CCT2: variants seen among roughly 807,000 people sequenced by gnomAD.
CCT2 encodes T-complex protein 1 subunit beta.
In CCT2, 18 loss-of-function variants were observed where a neutral mutation model predicts 61.8. The ratio of observed to expected loss-of-function variants is 0.29; its 90% CI spans 0.20 to 0.43. The LOEUF is 0.43. Ranked by LOEUF, CCT2 falls within the 20% of genes least tolerant of loss-of-function variation. The probability of loss-of-function intolerance (pLI) is 1.00; values close to 1 mark genes in which losing one functional copy is unlikely to be tolerated. For synonymous variants in CCT2, 248 were observed against 215.9 expected (o/e 1.15, Z -1.30); for missense variants, 556 against 656.9 (o/e 0.85, Z 1.68).
Position 69,601,289 on chromosome 12 carries a change from T to A in CCT2, c.1578-6T>A. ...TTCACTATTGACTTTTTTCTTACTC[T>A]CATAGGAAACGTGTCCCTGATCACC... is the stretch of plus-strand genomic sequence containing the variant. On this transcript the variant is annotated splice_polypyrimidine_tract_variant and splice_region_variant and intron_variant, in intron 15 of 15. Transcript: ENST00000299300. The A allele has an allele frequency of 2.5e-6, 4 of 1,595,566 alleles. No homozygotes were observed. The highest frequency in any genetic ancestry group is 3.4e-6 in the Non-Finnish European group (4 of 1,174,602).
chr12:69,585,858 G>C, intron 1 of CCT2: 1 of 1,307,324 alleles, frequency 7.6e-7, no homozygotes, highest in South Asian at 1.8e-5. Context: ...CTGGAGCGAC[G>C]GGGTCTGAGC....
chr12:69,598,188 T>A, intron 13 of CCT2, 117 bp downstream of exon 13: 1 of 989,888 alleles, frequency 1.0e-6, no homozygotes, highest in Non-Finnish European at 1.5e-6. Flanking sequence ...GAGTTTCTCC[T>A]CTTCGTGAGC....
intron 15 of CCT2, among the ~76,000 whole-genome samples, chr12:69,600,928 G>T (rs936237030): frequency 1.3e-5 from 2 of 152,186 alleles, no homozygotes; most frequent in African/African-American, 4.8e-5. Context: ...GGTGCTTCTT[G>T]TTGGTGGGGG....
At chr12:69,596,876 T>C (rs1317033937) in intron 10 of CCT2, among the ~76,000 whole-genome samples, 1 of 152,202 alleles carries the variant, frequency 6.6e-6, no homozygotes, top group Non-Finnish European at 1.5e-5. Context: ...GCTTTTTATA[T>C]TCATCCTAGT....
In CCT2 at chr12:69,589,375, A is replaced by G. The variant is rs2135851462; in HGVS notation, c.447-110A>G. 10 of 707,938 alleles carry G rather than the reference A, an allele frequency of 1.4e-5. No homozygotes were observed. The South Asian group carries it at 1.8e-4, about 13-fold the overall frequency. The allele number at this position is 707,938 out of a possible 1,614,324, so 43.9% of individuals were successfully genotyped here. ...TGCTGAGGTTTAATTCTTTTCATATAGCTTACAGACTTGATCAGTTAGGGT... is the reference window on the plus strand; with the variant it reads ...TGCTGAGGTTTAATTCTTTTCATATGGCTTACAGACTTGATCAGTTAGGGT... On this transcript the variant is annotated intron_variant, in intron 6 of 15. Coordinates refer to ENST00000299300, the MANE Select transcript of CCT2 (RefSeq NM_006431.3).
chr12:69,596,532 T>C (rs1346853253), intron 10 of CCT2, among the ~76,000 whole-genome samples: 1 of 152,230 alleles, frequency 6.6e-6, no homozygotes, highest in African/African-American at 2.4e-5. Flanking sequence ...AGGACTAAAT[T>C]AATTTGTTCT....
At chr12:69,597,100 A>G (rs1882014257) in intron 10 of CCT2, 56 bp from the exon 11 acceptor site, 2 of 1,569,130 alleles carry the variant, frequency 1.3e-6, no homozygotes, top group Admixed American at 1.7e-5. Flanking sequence ...TGCTTATTAG[A>G]AAACAGGAAT....
At chr12:69,585,967 C>T (rs1270078179) in intron 1 of CCT2, 2 of 1,308,486 alleles carry the variant, frequency 1.5e-6, no homozygotes, top group South Asian at 3.5e-5. Context: ...CCTGCAACCC[C>T]TCCCTGCCTC....
At chr12:69,587,103 GT>G in intron 3 of CCT2, 1 of 345,858 alleles carries the variant, frequency 2.9e-6, no homozygotes, top group Non-Finnish European at 5.1e-6. Context: ...GTAACATACT[GT>G]TTTATAAAAC....
At chr12:69,598,749 A>G (rs1198211140) in intron 14 of CCT2, among the ~76,000 whole-genome samples, 1 of 152,238 alleles carries the variant, frequency 6.6e-6, no homozygotes, top group Non-Finnish European at 1.5e-5. Flanking sequence ...ATCAGTATTA[A>G]CTTCTAATTT....
At chr12:69,598,242 T>A in intron 13 of CCT2, 80 bp from the exon 14 acceptor site, 2 of 1,145,458 alleles carry the variant, frequency 1.7e-6, no homozygotes, top group South Asian at 1.5e-5. Context: ...TGTATAATTT[T>A]AAAAAGCTAT....
chr12:69,597,318 G>A, intron 11 of CCT2, 43 bp downstream of exon 11: 1 of 1,607,476 alleles, frequency 6.2e-7, no homozygotes. Context: ...CTAAATTCTT[G>A]CTAGGCTCTG....
intron 8 of CCT2, 82 bp downstream of exon 8, chr12:69,592,241 C>CTGAGG: frequency 8.3e-6 from 6 of 726,404 alleles, no homozygotes; most frequent in African/African-American, 1.8e-5. Context: ...ATTTGGGAGG[C>CTGAGG]CAAGGTGGTG....
chr12:69,588,453 T>A (rs1881732463), intron 6 of CCT2, 191 bp downstream of exon 6: 2 of 546,450 alleles, frequency 3.7e-6, no homozygotes, highest in South Asian at 4.8e-5. Flanking sequence ...TTAGTCTTTT[T>A]GTATATATCA....
intron 6 of CCT2, chr12:69,589,184 C>G (rs906285852): frequency 8.8e-5 from 34 of 385,008 alleles, no homozygotes; most frequent in African/African-American, 4.0e-4. Context: ...CTCAGTCTCC[C>G]AAAGTGCTAG....
chr12:69,591,841 A>G (rs710774), intron 7 of CCT2, among the ~76,000 whole-genome samples: 14,202 of 152,186 alleles, frequency 0.093, 874 homozygotes, highest in Non-Finnish European at 0.14. Context: ...GACAGAAACT[A>G]AAATCCATGG....
chr12:69,587,645 C>T, intron 4 of CCT2, 29 bp downstream of exon 4: 1 of 1,304,510 alleles, frequency 7.7e-7, no homozygotes, highest in Non-Finnish European at 1.1e-6. Flanking sequence ...TTTCACCAAC[C>T]TAATAATACT....
At chr12:69,590,917 C>T (rs1168058248) in intron 7 of CCT2, among the ~76,000 whole-genome samples, 1 of 150,694 alleles carries the variant, frequency 6.6e-6, no homozygotes, top group Non-Finnish European at 1.5e-5. Context: ...CGGGGTATCG[C>T]CATGTTGACC....
At chr12:69,600,154 C>T in intron 15 of CCT2, 150 bp downstream of exon 15, 1 of 770,546 alleles carries the variant, frequency 1.3e-6, no homozygotes, top group Non-Finnish European at 2.0e-6. Context: ...ACTCTTAACA[C>T]TTAAGCCAGA....
Sources: allele counts gnomAD v4.1 joint callset (sites outside exome capture counted in the v4.1 genomes callset), GRCh38; gene constraint gnomAD v4.1.1; transcripts MANE v1.5; gene names NCBI Gene and HGNC (gene_info 2026-07-23, HGNC 2026-07-21).